Variants in SNX13 observed in about 807,000 individuals in gnomAD.
The protein encoded by SNX13 is sorting nexin 13.
In SNX13, 45 loss-of-function variants were observed where a neutral mutation model predicts 133.6. The ratio of observed to expected loss-of-function variants is 0.34; its 90% CI spans 0.27 to 0.43. The LOEUF is 0.43. Among genes scored for constraint, SNX13 ranks in the 20% least tolerant of loss-of-function variants. The pLI is 1.00. For synonymous variants in SNX13, 414 were observed against 373.9 expected (o/e 1.11, Z -1.24); for missense variants, 1,032 against 1,145.1 (o/e 0.90, Z 1.43).
At chr7:17,897,969 C>G (rs1346524077) in intron 1 of SNX13, 1 of 151,662 alleles carries the variant, frequency 6.6e-6, no homozygotes, top group Non-Finnish European at 1.5e-5. Flanking sequence ...TTATTTTACT[C>G]AAATTACGTA....
At chr7:17,856,799 AAAAAGAAAG>A (rs1791947559) in intron 9 of SNX13, among the ~76,000 whole-genome samples, 1 of 150,208 alleles carries the variant, frequency 6.7e-6, no homozygotes, top group African/African-American at 2.4e-5. Flanking sequence ...AAAAAAAAAA[AAAAAGAAAG>A]AAAGAAAGAA....
intron 18 of SNX13, among the ~76,000 whole-genome samples, 167 bp from the exon 19 acceptor site, chr7:17,816,456 G>A (rs1168032190): frequency 6.6e-6 from 1 of 152,170 alleles, no homozygotes; most frequent in Non-Finnish European, 1.5e-5. Flanking sequence ...GAGGTCGGGA[G>A]TTTGAGATCA....
At chr7:17,807,312 A>G (rs1390676976) in intron 20 of SNX13, among the ~76,000 whole-genome samples, 1 of 152,106 alleles carries the variant, frequency 6.6e-6, no homozygotes, top group Admixed American at 6.5e-5. Flanking sequence ...GCCCCCACTA[A>G]GGCTTGAGGA....
rs138035065 is a variant in SNX13, at chr7:17,884,870, CT to C, written c.440+5492del. Among the ~76,000 whole-genome samples, 353 of 152,234 alleles carry C rather than the reference CT, an allele frequency of 2.3e-3. 1 individual carries two copies. The highest frequency in any genetic ancestry group is 8.1e-3 in the African/African-American group (337 of 41,552). On this transcript the variant is annotated intron_variant, in intron 5 of 25. Transcript: ENST00000428135. ...GTAACAAAAAGACAGACAATAATAA[CT>C]TAAGTGTTGGTCAAAGAGGAGCCTT...
At chr7:17,814,590 T>C (rs564085874) in intron 20 of SNX13, among the ~76,000 whole-genome samples, 38 of 152,262 alleles carry the variant, frequency 2.5e-4, no homozygotes, top group African/African-American at 8.2e-4. Flanking sequence ...GGCAAACTTT[T>C]CTTAATGTAC....
At chr7:17,863,058 C>T (rs1465034970) in intron 9 of SNX13, among the ~76,000 whole-genome samples, 1 of 152,120 alleles carries the variant, frequency 6.6e-6, no homozygotes, top group Non-Finnish European at 1.5e-5. Flanking sequence ...GTATAGAACT[C>T]TGCTTTGAAA....
At chr7:17,868,524 A>G (rs779776295) in intron 8 of SNX13, 34 bp from the exon 9 acceptor site, 13 of 1,487,850 alleles carry the variant, frequency 8.7e-6, no homozygotes, top group Non-Finnish European at 1.2e-5. Context: ...AACAAATTTA[A>G]TCTATTTCTG....
rs931785555 is a variant in SNX13 at position 17,911,444 on chromosome 7, G to T, written c.13-13998C>A. Among the ~76,000 whole-genome samples the T allele has an allele frequency of 5.9e-5, 9 of 152,136 alleles. No individual in the cohort carries two copies. In the East Asian group the frequency reaches 1.7e-3, roughly 29 times the overall value. ...ACTTGAGGTCAGGAGTTCAAGACCA[G>T]ACTGGCCAACATGGTGAAACCCCGC... On this transcript the variant is annotated intron_variant, in intron 1 of 25. Transcript: ENST00000428135.
chr7:17,796,793 T>A, intron 25 of SNX13, 34 bp downstream of exon 25: 1 of 1,470,258 alleles, frequency 6.8e-7, no homozygotes, highest in Non-Finnish European at 9.5e-7. Flanking sequence ...GAATGACAAA[T>A]TATAAAGATT....
chr7:17,835,576 A>C (rs983637175), intron 13 of SNX13, among the ~76,000 whole-genome samples: 1 of 152,066 alleles, frequency 6.6e-6, no homozygotes, highest in Non-Finnish European at 1.5e-5. Context: ...ACATGTCAAC[A>C]GCTTCAGCAC....
At chr7:17,875,616 G>A in intron 6 of SNX13, 35 bp from the exon 7 acceptor site, 1 of 1,608,002 alleles carries the variant, frequency 6.2e-7, no homozygotes, top group Non-Finnish European at 8.5e-7. Context: ...ATAAAATGAT[G>A]AAAGGAAAAC....
rs1381519923 is a variant in SNX13 at position 17,791,865 on chromosome 7, A to G, written c.*2180T>C. The stretch of plus-strand genomic sequence containing the variant: ...AGACAGATGTGCATAGAGAAGGTGC[A>G]CCACCATTTACAAAGACTATCATTT... On this transcript the variant is annotated 3_prime_UTR_variant, in exon 26 of 26. Coordinates refer to ENST00000428135, the MANE Select transcript of SNX13 (RefSeq NM_015132.5). 2.6e-5 allele frequency: 4 copies of G among 152,110 alleles called. No homozygotes were observed. Among genetic ancestry groups the G allele is most frequent in the African/African-American group, 9.6e-5 (4 of 41,460 alleles). 9.4% of individuals were successfully genotyped at this position (152,110 alleles called of 1,614,324 possible).
intron 12 of SNX13, among the ~76,000 whole-genome samples, chr7:17,842,172 G>C (rs889124721): frequency 3.3e-5 from 5 of 151,978 alleles, no homozygotes; most frequent in African/African-American, 9.7e-5. Context: ...TACCCACATG[G>C]AGACACATTA....
intron 9 of SNX13, among the ~76,000 whole-genome samples, chr7:17,868,120 A>T (rs1365860007): frequency 6.6e-6 from 1 of 152,190 alleles, no homozygotes; most frequent in Admixed American, 6.5e-5. Context: ...GCCATTAAAA[A>T]TACTCATCAT....
At chr7:17,862,779 G>A (rs2128339142) in intron 9 of SNX13, among the ~76,000 whole-genome samples, 1 of 152,226 alleles carries the variant, frequency 6.6e-6, no homozygotes, top group South Asian at 2.1e-4. Context: ...ATTATTGGAG[G>A]AGGCCGAGCA....
chr7:17,857,726 A>T (rs1792099528), intron 9 of SNX13, among the ~76,000 whole-genome samples: 1 of 152,088 alleles, frequency 6.6e-6, no homozygotes, highest in Non-Finnish European at 1.5e-5. Context: ...TGGAGGTTAC[A>T]GTGAGCTGAG....
intron 5 of SNX13, chr7:17,889,899 T>C (rs1796442219): frequency 6.6e-6 from 1 of 152,480 alleles, no homozygotes; most frequent in Non-Finnish European, 1.5e-5. Flanking sequence ...TGACTTATGT[T>C]CCTTTGGTCC....
chr7:17,818,623 T>C (rs567467839), intron 18 of SNX13, among the ~76,000 whole-genome samples: 1 of 152,306 alleles, frequency 6.6e-6, no homozygotes, highest in South Asian at 2.1e-4. Flanking sequence ...CATGAAAATA[T>C]TTTTAAAGGC....
intron 1 of SNX13, among the ~76,000 whole-genome samples, chr7:17,912,259 T>C (rs1399789010): frequency 6.6e-6 from 1 of 152,076 alleles, no homozygotes; most frequent in Non-Finnish European, 1.5e-5. Flanking sequence ...TGACTCACCT[T>C]TCCACTGGGG....
Sources: allele counts gnomAD v4.1 joint callset (sites outside exome capture counted in the v4.1 genomes callset), GRCh38; gene constraint gnomAD v4.1.1; transcripts MANE v1.5; gene names NCBI Gene and HGNC (gene_info 2026-07-23, HGNC 2026-07-21).